TAFA2: variants seen among roughly 807,000 people sequenced by gnomAD.
TAFA2 encodes TAFA chemokine like family member 2, also known as chemokine-like protein TAFA-2.
TAFA2 carries 7 observed loss-of-function variants against 18.8 expected under a neutral mutation model. The ratio of observed to expected loss-of-function variants is 0.37; its 90% CI spans 0.21 to 0.70. The LOEUF (loss-of-function observed/expected upper bound fraction) is 0.70. TAFA2 is among the 30% of genes least tolerant of loss of function. The probability of loss-of-function intolerance (pLI) is 0.53; values close to 1 mark genes in which losing one functional copy is unlikely to be tolerated. For synonymous variants in TAFA2, 60 were observed against 54.2 expected, an observed-to-expected ratio of 1.11 and a Z score of -0.47; for missense variants, 122 against 158.1, an observed-to-expected ratio of 0.77 and a Z score of 1.23.
chr12:62,177,220 G>A (rs1296272848), intron 1 of TAFA2, among the ~76,000 whole-genome samples: 1 of 152,238 alleles, frequency 6.6e-6, no homozygotes, highest in Non-Finnish European at 1.5e-5. Flanking sequence ...CACTCAAGTG[G>A]TAACAGAAAG....
At chr12:61,851,930 G>A (rs568930800) in intron 2 of TAFA2, among the ~76,000 whole-genome samples, 9 of 151,318 alleles carry the variant, frequency 5.9e-5, no homozygotes, top group Middle Eastern at 3.4e-3. Context: ...AAGACAAGCC[G>A]GGCACGGTGG....
chr12:62,247,545 T>A (rs963820427), intron 1 of TAFA2, among the ~76,000 whole-genome samples: 31 of 152,220 alleles, frequency 2.0e-4, no homozygotes, highest in Non-Finnish European at 8.8e-5. Context: ...CAAAACCGCA[T>A]TTTTTTACTT....
At chr12:62,048,732 G>T (rs1231696002) in intron 1 of TAFA2, among the ~76,000 whole-genome samples, 1 of 152,114 alleles carries the variant, frequency 6.6e-6, no homozygotes. Context: ...TGTGAAAATT[G>T]TTAATAGATT....
intron 1 of TAFA2, among the ~76,000 whole-genome samples, chr12:62,231,500 G>A (rs1197862969): frequency 6.6e-6 from 1 of 152,116 alleles, no homozygotes; most frequent in Non-Finnish European, 1.5e-5. Flanking sequence ...GCAGCATATA[G>A]TTACGTTTTG....
chr12:61,712,125 T>C (rs1185812573), intron 4 of TAFA2, among the ~76,000 whole-genome samples: 1 of 152,016 alleles, frequency 6.6e-6, no homozygotes, highest in Non-Finnish European at 1.5e-5. Context: ...GAATAAATGG[T>C]TTAGCCTCTG....
chr12:61,965,288 A>G (rs1879030169), intron 1 of TAFA2, among the ~76,000 whole-genome samples: 1 of 151,858 alleles, frequency 6.6e-6, no homozygotes, highest in East Asian at 1.9e-4. Flanking sequence ...AGCATCATCT[A>G]TGAACCAGAA....
At chr12:61,902,234 T>C (rs1286279191) in intron 1 of TAFA2, among the ~76,000 whole-genome samples, 2 of 151,974 alleles carry the variant, frequency 1.3e-5, no homozygotes, top group African/African-American at 4.8e-5. Flanking sequence ...CAAGGAAATA[T>C]ATATTATCTC....
chr12:62,156,016 A>G (rs2062366841), intron 1 of TAFA2, among the ~76,000 whole-genome samples: 1 of 152,242 alleles, frequency 6.6e-6, no homozygotes, highest in Admixed American at 6.5e-5. Context: ...CAACCCACAG[A>G]GTGGGAGAAA....
chr12:62,216,409 G>C (rs2062736149), intron 1 of TAFA2, among the ~76,000 whole-genome samples: 2 of 152,102 alleles, frequency 1.3e-5, no homozygotes, highest in South Asian at 4.2e-4. Context: ...GTGGGTATTG[G>C]GGAAGTGGTG....
rs776010666 is a variant in TAFA2, at chr12:61,867,328, T to C, written c.98A>G (p.His33Arg). 11 of 1,576,038 alleles carry C rather than the reference T, an allele frequency of 7.0e-6. No homozygotes were observed. The highest frequency in any genetic ancestry group is 8.6e-6 in the Non-Finnish European group (10 of 1,158,306). ...LWGKVVSSANHHKAHHVKTGT... is the reference protein window; with the variant it reads ...LWGKVVSSANRHKAHHVKTGT... The stretch of plus-strand genomic sequence containing the variant: ...AAAACAGAAAAGCTTACCTTTATGA[T>C]GGTTTGCACTGGATACAACTTTCCC... The change falls in exon 2 of 5, where the codon CAT (histidine) becomes CGT (arginine). Residue 33 changes from histidine (H) to arginine (R), a missense_variant. This residue lies in a region of TAFA2 where 62 missense variants were observed against 55.5 expected (regional missense o/e 1.12). Coordinates refer to ENST00000416284, the MANE Select transcript of TAFA2 (RefSeq NM_178539.5).
intron 4 of TAFA2, among the ~76,000 whole-genome samples, chr12:61,734,370 C>A (rs61940887): frequency 6.4e-5 from 6 of 93,716 alleles, no homozygotes; most frequent in Non-Finnish European, 8.3e-5. Context: ...GTTGTGGGGT[C>A]GGGGGAGGGG....
chr12:61,876,623 T>C (rs1421027325), intron 1 of TAFA2, among the ~76,000 whole-genome samples: 3 of 152,094 alleles, frequency 2.0e-5, no homozygotes, highest in South Asian at 2.1e-4. Flanking sequence ...CGAAGGCCTC[T>C]GCTCATATAA....
intron 1 of TAFA2, among the ~76,000 whole-genome samples, chr12:62,071,663 A>AATT (rs1882634162): frequency 1.3e-5 from 2 of 152,156 alleles, no homozygotes; most frequent in South Asian, 4.1e-4. Flanking sequence ...GAGGACTCTA[A>AATT]AGAGAGTTGT....
intron 1 of TAFA2, among the ~76,000 whole-genome samples, chr12:62,078,706 G>A (rs553179549): frequency 6.6e-6 from 1 of 152,298 alleles, no homozygotes; most frequent in East Asian, 1.9e-4. Flanking sequence ...GCTGGCACCA[G>A]GATCTCTTTC....
chr12:62,101,041 G>A (rs935918237), intron 1 of TAFA2, among the ~76,000 whole-genome samples: 1 of 152,140 alleles, frequency 6.6e-6, no homozygotes, highest in Non-Finnish European at 1.5e-5. Flanking sequence ...AGACACTTCA[G>A]ATATATCTAT....
intron 1 of TAFA2, among the ~76,000 whole-genome samples, chr12:62,154,157 C>T (rs1482195662): frequency 6.6e-6 from 1 of 151,994 alleles, no homozygotes; most frequent in African/African-American, 2.4e-5. Flanking sequence ...TACAAGAAGT[C>T]CAGGAGTAAA....
chr12:62,105,047 C>T (rs971546604), intron 1 of TAFA2: 1 of 185,338 alleles, frequency 5.4e-6, no homozygotes, highest in Non-Finnish European at 1.1e-5. Flanking sequence ...GGGGAAAGGT[C>T]TCCCTTTTTT....
chr12:61,988,877 T>C (rs1879904981), intron 1 of TAFA2, among the ~76,000 whole-genome samples: 1 of 152,134 alleles, frequency 6.6e-6, no homozygotes, highest in Non-Finnish European at 1.5e-5. Flanking sequence ...GATTATCTTT[T>C]GACACTTAGG....
At chr12:62,218,131 G>A (rs11174377) in intron 1 of TAFA2, among the ~76,000 whole-genome samples, 23,868 of 151,786 alleles carry the variant, frequency 0.16, 2,369 homozygotes, top group East Asian at 0.34. Context: ...AAGTAGCTGG[G>A]ACTACAGGCA....
Sources: gnomAD v4.1 joint callset for allele counts (sites outside exome capture counted in the v4.1 genomes callset) on GRCh38, gnomAD v4.1.1 for gene constraint, gnomAD v4.1.1 regional missense constraint, MANE v1.5 for transcripts, NCBI Gene and HGNC (gene_info 2026-07-23, HGNC 2026-07-21) for gene names.